MYO5B: variants seen among roughly 807,000 people sequenced by gnomAD.
MYO5B encodes the protein unconventional myosin-Vb.
In MYO5B, 143 loss-of-function variants were observed where a neutral mutation model predicts 229.3. That is an observed-to-expected ratio of 0.62 (90% CI 0.54 to 0.72). The LOEUF is 0.72. Among genes scored for constraint, MYO5B ranks in the 30% least tolerant of loss-of-function variants. MYO5B has a pLI of 0.00. For missense variants in MYO5B, 2,321 were observed against 2,331.0 expected (o/e 1.00, Z 0.09); for synonymous variants, 918 against 885.2 (o/e 1.04, Z -0.66).
At chr18:50,093,201 C>G (rs1009885534) in intron 1 of MYO5B, among the ~76,000 whole-genome samples, 1 of 109,164 alleles carries the variant, frequency 9.2e-6, no homozygotes, top group African/African-American at 3.6e-5. Context: ...CACACACACA[C>G]ACACAGACAC....
intron 32 of MYO5B, 98 bp from the exon 33 acceptor site, chr18:49,847,387 A>AG: frequency 1.4e-6 from 2 of 1,432,214 alleles, no homozygotes; most frequent in Middle Eastern, 2.4e-4. Context: ...GACCTGGGGC[A>AG]GGGGAAGGGG....
At chr18:50,133,699 A>G (rs2032289964) in intron 1 of MYO5B, among the ~76,000 whole-genome samples, 1 of 152,136 alleles carries the variant, frequency 6.6e-6, no homozygotes, top group South Asian at 2.1e-4. Context: ...AGTGGCTGTC[A>G]GACTCTGATC....
intron 4 of MYO5B, among the ~76,000 whole-genome samples, chr18:50,017,371 C>T (rs1328572642): frequency 1.3e-5 from 2 of 152,164 alleles, no homozygotes; most frequent in Non-Finnish European, 1.5e-5. Context: ...ATGATCCACC[C>T]GCCTTGGCCT....
At chr18:49,902,540 A>G in intron 21 of MYO5B, 54 bp downstream of exon 21, 1 of 1,600,942 alleles carries the variant, frequency 6.2e-7, no homozygotes, top group Non-Finnish European at 8.5e-7. Flanking sequence ...GCTCTCTCAA[A>G]ATGCTCCAGT....
chr18:49,908,404 A>C (rs2144154244), intron 18 of MYO5B, among the ~76,000 whole-genome samples: 1 of 152,360 alleles, frequency 6.6e-6, no homozygotes, highest in Non-Finnish European at 1.5e-5. Flanking sequence ...GGCTGAAAGC[A>C]AACTTAGCAA....
intron 7 of MYO5B, among the ~76,000 whole-genome samples, chr18:49,987,191 G>A (rs2025879667): frequency 6.6e-6 from 1 of 151,998 alleles, no homozygotes. Flanking sequence ...CTCAGGCCCA[G>A]CTGGGCAACT....
intron 8 of MYO5B, among the ~76,000 whole-genome samples, 158 bp downstream of exon 8, chr18:49,984,560 T>C (rs2025850499): frequency 6.6e-6 from 1 of 152,130 alleles, no homozygotes; most frequent in South Asian, 2.1e-4. Context: ...AGGGTTGGGA[T>C]GGGTAAGAGA....
intron 20 of MYO5B, 52 bp from the exon 21 acceptor site, chr18:49,902,885 G>T: frequency 6.3e-7 from 1 of 1,589,784 alleles, no homozygotes; most frequent in Non-Finnish European, 8.5e-7. Flanking sequence ...CAGGACAGGA[G>T]TGAAGGAAGC....
intron 1 of MYO5B, among the ~76,000 whole-genome samples, chr18:50,064,715 T>C (rs2030776460): frequency 1.3e-5 from 2 of 152,334 alleles, no homozygotes; most frequent in Non-Finnish European, 1.5e-5. Flanking sequence ...GAAACAACCT[T>C]AACAGTTTAT....
At chr18:50,011,272 G>A (rs1261727033) in intron 4 of MYO5B, among the ~76,000 whole-genome samples, 1 of 152,176 alleles carries the variant, frequency 6.6e-6, no homozygotes, top group Admixed American at 6.5e-5. Context: ...AGCCTGGGAG[G>A]TGGAGGTTGC....
chr18:49,865,608 C>T (rs2024386900), intron 27 of MYO5B, among the ~76,000 whole-genome samples: 1 of 152,088 alleles, frequency 6.6e-6, no homozygotes, highest in Non-Finnish European at 1.5e-5. Context: ...GCTCAAGGTG[C>T]ACACTGCACA....
At chr18:50,190,627 CA>C (rs5824829) in intron 1 of MYO5B, among the ~76,000 whole-genome samples, 148,796 of 152,138 alleles carry the variant, frequency 0.98, 72,833 homozygotes, top group East Asian at 1. Flanking sequence ...CCCGACCTAC[CA>C]AAAAAAAATC....
intron 1 of MYO5B, among the ~76,000 whole-genome samples, chr18:50,192,477 G>C (rs1307012577): frequency 6.6e-6 from 1 of 152,208 alleles, no homozygotes; most frequent in East Asian, 1.9e-4. Flanking sequence ...GAATGCTCAA[G>C]CCATTTTGCT....
chr18:50,038,006 G>T (rs1259829490), intron 3 of MYO5B, among the ~76,000 whole-genome samples: 1 of 152,160 alleles, frequency 6.6e-6, no homozygotes, highest in Non-Finnish European at 1.5e-5. Context: ...GTCCCCTAAA[G>T]AATGGATTGC....
intron 37 of MYO5B, 105 bp downstream of exon 37, chr18:49,837,412 A>C (rs1324065842): frequency 7.3e-7 from 1 of 1,373,788 alleles, no homozygotes; most frequent in African/African-American, 1.4e-5. Flanking sequence ...ACTGTCAATT[A>C]GATTTGGATT....
intron 1 of MYO5B, among the ~76,000 whole-genome samples, chr18:50,135,255 C>T (rs944655810): frequency 6.6e-6 from 1 of 152,222 alleles, no homozygotes; most frequent in African/African-American, 2.4e-5. Context: ...TTCTCTCCTC[C>T]CTTCAAGAAA....
At chr18:49,923,814 G>A (rs2025101205) in intron 17 of MYO5B, among the ~76,000 whole-genome samples, 1 of 152,136 alleles carries the variant, frequency 6.6e-6, no homozygotes, top group African/African-American at 2.4e-5. Context: ...TACTGAGGGG[G>A]GTCCCAGAGG....
chr18:49,897,782 C>T (rs974791049), intron 21 of MYO5B, among the ~76,000 whole-genome samples: 2 of 152,088 alleles, frequency 1.3e-5, no homozygotes, highest in African/African-American at 2.4e-5. Context: ...CCTAAGTGTA[C>T]GGCTTATAAA....
intron 1 of MYO5B, among the ~76,000 whole-genome samples, chr18:50,080,971 T>C (rs2031206667): frequency 6.6e-6 from 1 of 152,194 alleles, no homozygotes; most frequent in Admixed American, 6.5e-5. Context: ...ATTTCATCAT[T>C]AAGCCAAAAT....
Sources: allele counts gnomAD v4.1 joint callset (sites outside exome capture counted in the v4.1 genomes callset), GRCh38; gene constraint gnomAD v4.1.1; transcripts MANE v1.5; gene names NCBI Gene and HGNC (gene_info 2026-07-23, HGNC 2026-07-21).